The following PREX2 variants were observed in gnomAD, a reference collection of about 807,000 sequenced individuals.
PREX2 encodes the protein phosphatidylinositol-3,4,5-trisphosphate dependent Rac exchange factor 2, also known as phosphatidylinositol 3,4,5-trisphosphate-dependent Rac exchanger 2 protein.
Under a neutral mutation model 203.2 loss-of-function variants are expected in PREX2, and 107 were observed. The ratio of observed to expected loss-of-function variants is 0.53; its 90% confidence interval spans 0.45 to 0.62. The LOEUF (loss-of-function observed/expected upper bound fraction) is 0.62. Among genes scored for constraint, PREX2 ranks in the 20% least tolerant of loss-of-function variants. The probability of loss-of-function intolerance (pLI) is 0.00; values close to 1 mark genes in which losing one functional copy is unlikely to be tolerated. For missense variants in PREX2, 1,777 were observed against 1,955.9 expected (o/e 0.91, Z 1.72); for synonymous variants, 672 against 663.6 (o/e 1.01, Z -0.19).
At position 68,046,485 on chromosome 8, in the gene PREX2, T is replaced by C. The variant is rs563819385; in HGVS notation, c.943+1895T>C. 9.2e-5 allele frequency among the ~76,000 whole-genome samples: 14 copies of C among 152,214 alleles called. No individual in the cohort carries two copies. The East Asian group carries it at 1.6e-3, about 17-fold the overall frequency. On this transcript the variant is annotated intron_variant, in intron 8 of 39. Transcript: ENST00000288368. ...GATTCAATTCGACCTGAAAGTTTTGTTGATGCTAGTAAGATTCCAGCCTAC... is the reference window on the plus strand; with the variant it reads ...GATTCAATTCGACCTGAAAGTTTTGCTGATGCTAGTAAGATTCCAGCCTAC...
intron 33 of PREX2, among the ~76,000 whole-genome samples, chr8:68,142,488 C>T (rs1461324952): frequency 6.6e-6 from 1 of 152,134 alleles, no homozygotes; most frequent in African/African-American, 2.4e-5. Context: ...CTTTTTAGTA[C>T]AGAAGAAAAT....
chr8:68,093,601 C>G lies in PREX2; in HGVS notation c.2251-4C>G. The G allele has an allele frequency of 6.7e-7, 1 of 1,486,886 alleles. No homozygotes were observed. The allele number at this position is 1,486,886 out of a possible 1,614,324, so 92.1% of individuals were successfully genotyped here. The stretch of plus-strand genomic sequence containing the variant: ...CTGAGGTTTCTTTCCCCCCTCATTT[C>G]CAGCAAGATTCCATACAATGGGTTT... On this transcript the variant is annotated splice_polypyrimidine_tract_variant and splice_region_variant and intron_variant, in intron 20 of 39. Coordinates refer to ENST00000288368, the MANE Select transcript of PREX2 (RefSeq NM_024870.4).
Position 68,109,452 on chromosome 8 carries a change from T to A in PREX2, c.2975T>A (p.Ile992Asn), listed in dbSNP as rs764084929. ...LSPMVYIQHTITTMAAPSGLS... is the reference protein window; with the variant it reads ...LSPMVYIQHTNTTMAAPSGLS... ...CCTATGGTGTACATTCAGCACACCA[T>A]CACAACCATGGCGGCCCCTTCAGGT... Residue 992 changes from isoleucine to asparagine, a missense_variant, in exon 25 of 40, where the codon ATC becomes AAC. By Grantham distance (149) the Ile-to-Asn change is moderately radical. Coordinates refer to ENST00000288368, the MANE Select transcript of PREX2 (RefSeq NM_024870.4). The A allele has an allele frequency of 2.5e-6, 4 of 1,613,888 alleles. No homozygotes were observed. Among genetic ancestry groups the A allele is most frequent in the Admixed American group, 3.3e-5 (2 of 60,004 alleles).
In PREX2 at chr8:68,096,654, A is replaced by G. The variant is rs3829026; in HGVS notation, c.2369-363A>G. Among the ~76,000 whole-genome samples, 74 of 152,276 alleles carry G rather than the reference A, an allele frequency of 4.9e-4. 2 individuals carry two copies. In the East Asian group the frequency reaches 0.014, roughly 28 times the overall value. On this transcript the variant is annotated intron_variant, in intron 21 of 39. Coordinates refer to ENST00000288368, the MANE Select transcript of PREX2 (RefSeq NM_024870.4). The stretch of plus-strand genomic sequence containing the variant: ...TTTTTCCTGCTTTAAGAAAATATTC[A>G]TACAACATTCGAGGCAGTTTTAGAA...
intron 20 of PREX2, among the ~76,000 whole-genome samples, chr8:68,092,247 G>A (rs10110821): frequency 0.017 from 2,570 of 152,248 alleles, 67 homozygotes; most frequent in African/African-American, 0.059. Context: ...AAATCACGTG[G>A]CCAAGCCCAG....
intron 34 of PREX2, among the ~76,000 whole-genome samples, chr8:68,148,857 C>T (rs1811377802): frequency 1.3e-5 from 2 of 152,132 alleles, no homozygotes; most frequent in Non-Finnish European, 2.9e-5. Context: ...AGAAGTTCTT[C>T]TGCCTTTATA....
chr8:68,078,923 CCCTATCATGCT>C lies in PREX2; in HGVS notation c.1642+1458_1642+1468del, dbSNP rs1809432611. On this transcript the variant is annotated intron_variant, in intron 15 of 39. Transcript: ENST00000288368. ...TAGCTCATGCCTGGCTTTATTGATG[CCCTATCATGCT>C]CCTTTTAAAAGACAATTTGGTGGAG... is the stretch of plus-strand genomic sequence containing the variant. Among the ~76,000 whole-genome samples the C allele has an allele frequency of 2.0e-5, 3 of 152,102 alleles. No homozygotes were observed. In the South Asian group the frequency reaches 6.2e-4, roughly 32 times the overall value.
In PREX2 at chr8:67,952,192, G is replaced by T. The variant is rs1404852573; in HGVS notation, c.-203G>T. The T allele has an allele frequency of 1.5e-4, 59 of 404,118 alleles. No individual in the cohort carries two copies. The East Asian group carries it at 2.5e-3, about 17-fold the overall frequency. 25.0% of individuals were successfully genotyped at this position (404,118 alleles called of 1,614,324 possible). ...CCAGGAGTTTCCTCTGCAGAGCCCC[G>T]CGCCCCCCGCGCCGGGATTTCAGCC... is the stretch of plus-strand genomic sequence containing the variant. On this transcript the variant is annotated 5_prime_UTR_variant, in exon 1 of 40. Coordinates refer to ENST00000288368, the MANE Select transcript of PREX2 (RefSeq NM_024870.4).
intron 9 of PREX2, among the ~76,000 whole-genome samples, chr8:68,054,736 C>T (rs992089712): frequency 7.2e-5 from 11 of 152,186 alleles, no homozygotes; most frequent in African/African-American, 2.2e-4. Flanking sequence ...TATGTCCAGC[C>T]TTGCCCTCTC....
chr8:68,066,987 T>C lies in PREX2; in HGVS notation c.1340-2046T>C, dbSNP rs368380003. Among the ~76,000 whole-genome samples, 88 of 152,250 alleles carry C rather than the reference T, an allele frequency of 5.8e-4. 2 individuals carry two copies. In the South Asian group the frequency reaches 0.018, roughly 31 times the overall value. On this transcript the variant is annotated intron_variant, in intron 11 of 39. Transcript: ENST00000288368. ...CCAGCATCATTTATTGAAGAGACTATCTTCCTCCATTGTGTGTTCTTGGCA... is the reference window on the plus strand; with the variant it reads ...CCAGCATCATTTATTGAAGAGACTACCTTCCTCCATTGTGTGTTCTTGGCA...
chr8:68,072,747 A>G (rs113911579), intron 14 of PREX2, among the ~76,000 whole-genome samples, 177 bp downstream of exon 14: 1,955 of 152,258 alleles, frequency 0.013, 23 homozygotes, highest in Middle Eastern at 0.031. Context: ...TAGAGTCCTC[A>G]AACTTCACTT....
At chr8:68,097,295 A>C in intron 22 of PREX2, 94 bp downstream of exon 22, 2 of 982,694 alleles carry the variant, frequency 2.0e-6, no homozygotes, top group Non-Finnish European at 2.9e-6. Context: ...AAATAGCTAT[A>C]CATGTTGCAG....
intron 1 of PREX2, among the ~76,000 whole-genome samples, chr8:67,972,880 T>A (rs2129019354): frequency 6.6e-6 from 1 of 152,332 alleles, no homozygotes; most frequent in South Asian, 2.1e-4. Context: ...CATTCCATTG[T>A]ATGTCTCACT....
intron 35 of PREX2, among the ~76,000 whole-genome samples, chr8:68,160,868 A>C (rs1212371889): frequency 3.3e-5 from 5 of 152,142 alleles, no homozygotes; most frequent in Admixed American, 2.6e-4. Context: ...GTTTACTCAA[A>C]AGGTAAACAA....
chr8:68,214,876 T>C (rs1191749352), intron 37 of PREX2, among the ~76,000 whole-genome samples: 1 of 152,232 alleles, frequency 6.6e-6, no homozygotes, highest in African/African-American at 2.4e-5. Context: ...ATTGCCTCTT[T>C]TTAACACTTT....
Position 68,118,992 on chromosome 8 carries a change from T to C in PREX2, c.3421+348T>C, listed in dbSNP as rs371213912. Among the ~76,000 whole-genome samples, 11 of 152,344 alleles carry C rather than the reference T, an allele frequency of 7.2e-5. No homozygotes were observed. In the East Asian group the frequency reaches 9.6e-4, roughly 13 times the overall value. Reference sequence around the variant, plus strand: ...ATGGGCAGGTGTGGAGTTTGAAGCATTTAAGACAGCAGGTTCACCTGAGCT... The same window carrying C: ...ATGGGCAGGTGTGGAGTTTGAAGCACTTAAGACAGCAGGTTCACCTGAGCT... On this transcript the variant is annotated intron_variant, in intron 27 of 39. Transcript: ENST00000288368.
At chr8:68,147,657 A>G (rs1452224451) in intron 34 of PREX2, among the ~76,000 whole-genome samples, 1 of 152,208 alleles carries the variant, frequency 6.6e-6, no homozygotes, top group Non-Finnish European at 1.5e-5. Flanking sequence ...ATGAAAACAG[A>G]CTAATACATA....
chr8:68,047,717 A>C (rs1808411768), intron 8 of PREX2, among the ~76,000 whole-genome samples: 1 of 151,106 alleles, frequency 6.6e-6, no homozygotes, highest in African/African-American at 2.4e-5. Flanking sequence ...ATGGAATGGA[A>C]AAGTTTTTCT....
At chr8:68,073,259 A>G (rs1809251329) in intron 14 of PREX2, among the ~76,000 whole-genome samples, 1 of 151,028 alleles carries the variant, frequency 6.6e-6, no homozygotes, top group Non-Finnish European at 1.5e-5. Context: ...CACTGATTAA[A>G]GAAAAGATGA....
Sources: gnomAD v4.1 joint callset for allele counts (sites outside exome capture counted in the v4.1 genomes callset) on GRCh38, gnomAD v4.1.1 for gene constraint, MANE v1.5 for transcripts, NCBI Gene and HGNC (gene_info 2026-07-23, HGNC 2026-07-21) for gene names.